Variants in KRT27 observed in about 807,000 individuals in gnomAD.
KRT27 encodes keratin, type I cytoskeletal 27.
In KRT27, 30 loss-of-function variants were observed where a neutral mutation model predicts 45.3. That is an observed-to-expected ratio of 0.66 (90% CI 0.50 to 0.90). The LOEUF (loss-of-function observed/expected upper bound fraction) is 0.90. KRT27 is among the 40% of genes least tolerant of loss of function. KRT27 has a pLI of 0.00. For synonymous variants in KRT27, 204 were observed against 223.9 expected (o/e 0.91, Z 0.79); for missense variants, 610 against 564.3 (o/e 1.08, Z -0.82).
chr17:40,777,435 A>G, intron 6 of KRT27, 80 bp downstream of exon 6: 1 of 1,560,258 alleles, frequency 6.4e-7, no homozygotes, highest in Non-Finnish European at 8.8e-7. Context: ...GATCTAGATC[A>G]TAGATATTTT....
chr17:40,782,477 G>T lies in KRT27; in HGVS notation c.17C>A (p.Ser6Tyr). The T allele has an allele frequency of 6.3e-7, 1 of 1,580,366 alleles. No individual in the cohort carries two copies. The highest frequency in any genetic ancestry group is 1.2e-5 in the South Asian group (1 of 86,676). The change falls in exon 1 of 8, where the codon TCT becomes TAT. Residue 6 changes from serine (S) to tyrosine (Y), a missense_variant. Transcript: ENST00000301656. The part of the protein sequence containing the change: MSVRF[S>Y]STSRRLGSCG... ...AGAGCCAAGTCTCCTGGAGGTAGAA[G>T]AAAAGCGCACAGACATGGTGTCCGG...
Position 40,777,292 on chromosome 17 carries a change from T to G in KRT27, c.1201A>C (p.Lys401Gln), listed in dbSNP as rs146707198. The change falls in exon 7 of 8, where the codon AAA (lysine) becomes CAA (glutamine). Residue 401 changes from lysine (K) to glutamine (Q), a missense_variant. By Grantham distance (53) the Lys-to-Gln change is moderately conservative. Coordinates refer to ENST00000301656, the MANE Select transcript of KRT27 (RefSeq NM_181537.4). ...LIDGEDGSCS[K>Q]SKGYGGPGNQ... is the part of the protein sequence containing the mutation. ...CCTGGGCCTCCATAGCCTTTTGATT[T>G]AGAACAGGAGCTGTAAAAGTATAGA... is the stretch of plus-strand genomic sequence containing the variant. The G allele has an allele frequency of 3.1e-6, 5 of 1,613,360 alleles. No individual in the cohort carries two copies. The African/African-American group carries it at 6.7e-5, about 22-fold the overall frequency.
intron 5 of KRT27, 52 bp downstream of exon 5, chr17:40,779,450 T>C: frequency 6.4e-7 from 1 of 1,561,222 alleles, no homozygotes; most frequent in Non-Finnish European, 8.7e-7. Flanking sequence ...TTCTCTTCGA[T>C]TATTTTTTTC....
intron 1 of KRT27, among the ~76,000 whole-genome samples, 167 bp from the exon 2 acceptor site, chr17:40,781,437 T>A (rs919348464): frequency 2.6e-5 from 4 of 152,238 alleles, no homozygotes; most frequent in Non-Finnish European, 5.9e-5. Context: ...TCTCTCTCTG[T>A]CTTTTATTTT....
At chr17:40,780,971 C>A (rs1348430469) in intron 2 of KRT27, among the ~76,000 whole-genome samples, 1 of 152,204 alleles carries the variant, frequency 6.6e-6, no homozygotes, top group African/African-American at 2.4e-5. Context: ...AAAATTCTTT[C>A]TCATATGACT....
At chr17:40,778,977 T>C (rs1481528982) in intron 5 of KRT27, among the ~76,000 whole-genome samples, 6 of 152,204 alleles carry the variant, frequency 3.9e-5, no homozygotes, top group Non-Finnish European at 5.9e-5. Flanking sequence ...CTTTTTTGTG[T>C]GTGTTGGGAA....
chr17:40,779,770 T>C lies in KRT27; in HGVS notation c.776A>G (p.Asn259Ser), dbSNP rs757090823. The C allele has an allele frequency of 6.2e-7, 1 of 1,614,278 alleles. No individual in the cohort carries two copies. Among genetic ancestry groups the C allele is most frequent in the South Asian group, 1.1e-5 (1 of 91,082 alleles). ...GAGGGCTTCGTACTCAGCTCGCATA[T>C]TGTTCAGCAGAACCGTGAGGTCTAC... Reference protein sequence around the residue: ...PGVDLTVLLNNMRAEYEALAE... With the variant: ...PGVDLTVLLNSMRAEYEALAE... Residue 259 changes from asparagine to serine, a missense_variant, in exon 4 of 8, where the codon AAT becomes AGT. Asn to Ser is a conservative substitution (Grantham distance 46). Coordinates refer to ENST00000301656, the MANE Select transcript of KRT27 (RefSeq NM_181537.4).
intron 6 of KRT27, 89 bp from the exon 7 acceptor site, chr17:40,777,391 C>T (rs2038275070): frequency 1.3e-6 from 2 of 1,534,434 alleles, no homozygotes; most frequent in Non-Finnish European, 1.8e-6. Flanking sequence ...TCACTGCATT[C>T]TGAAATAACA....
intron 2 of KRT27, among the ~76,000 whole-genome samples, chr17:40,780,869 AAATAAATT>A (rs968594610): frequency 3.9e-5 from 6 of 152,008 alleles, no homozygotes; most frequent in Admixed American, 1.3e-4. Context: ...ATAAATAAAT[AAATAAATT>A]AATTAATTAA....
At chr17:40,781,992 T>C in intron 1 of KRT27, 58 bp downstream of exon 1, 1 of 1,444,858 alleles carries the variant, frequency 6.9e-7, no homozygotes, top group South Asian at 1.3e-5. Flanking sequence ...CATTTGTGCA[T>C]CTGTGAGTGG....
Position 40,782,266 on chromosome 17 carries a change from C to T in KRT27, c.228G>A (p.Glu76=). 1 of 1,614,212 alleles carries T rather than the reference C, an allele frequency of 6.2e-7. No individual in the cohort carries two copies. Among genetic ancestry groups the T allele is most frequent in the Non-Finnish European group, 8.5e-7 (1 of 1,180,036 alleles). The change falls in exon 1 of 8, where the codon GAG becomes GAA. Residue 76 remains glutamate, a synonymous_variant. Transcript: ENST00000301656. Reference sequence around the variant, plus strand: ...TCTCATTGCCAGAGAGGAGGCCGTGCTCATTCCCTGTGAAGGCAGCACAGG... The same window carrying T: ...TCTCATTGCCAGAGAGGAGGCCGTGTTCATTCCCTGTGAAGGCAGCACAGG... ...SASCAAFTGN[E]HGLLSGNEKV...
At chr17:40,777,483 T>C in intron 6 of KRT27, 32 bp downstream of exon 6, 1 of 1,608,922 alleles carries the variant, frequency 6.2e-7, no homozygotes. Context: ...ACCTTAAAAA[T>C]GAATTGTTTT....
intron 5 of KRT27, among the ~76,000 whole-genome samples, chr17:40,778,503 T>A (rs2038283174): frequency 2.0e-5 from 3 of 152,240 alleles, no homozygotes; most frequent in Admixed American, 6.5e-5. Flanking sequence ...CATACCCAAC[T>A]GTGGGACTGT....
At chr17:40,779,913 A>G in intron 3 of KRT27, 52 bp from the exon 4 acceptor site, 6 of 1,556,668 alleles carry the variant, frequency 3.9e-6, no homozygotes, top group Non-Finnish European at 3.5e-6. Context: ...TATTTATTGC[A>G]CTTTTTGAGT....
chr17:40,777,583 G>A lies in KRT27; in HGVS notation c.1122C>T (p.Leu374=). 6.2e-7 allele frequency: 1 copy of A among 1,613,960 alleles called. No homozygotes were observed. Among genetic ancestry groups the A allele is most frequent in the Non-Finnish European group, 8.5e-7 (1 of 1,179,918 alleles). Residue 374 remains leucine (L), a synonymous_variant, in exon 6 of 8, where the codon CTC becomes CTT. Transcript: ENST00000301656. ...TTTCCAGGTGGACCTTGATGTCAAG[G>A]AGCTGCTCATACTCGAGCTTCTGGC... The part of the protein sequence containing the change: ...TEGQKLEYEQ[L]LDIKVHLEKE...
chr17:40,778,002 G>A, intron 5 of KRT27: 1 of 446,420 alleles, frequency 2.2e-6, no homozygotes, highest in Non-Finnish European at 4.1e-6. Flanking sequence ...GGCACAGACT[G>A]AAAGATCCCT....
chr17:40,777,403 TAA>T, intron 6 of KRT27, 101 bp from the exon 7 acceptor site: 1 of 1,526,370 alleles, frequency 6.6e-7, no homozygotes, highest in Non-Finnish European at 9.0e-7. Flanking sequence ...GAAATAACAC[TAA>T]AAGAGTATTA....
intron 6 of KRT27, 100 bp downstream of exon 6, chr17:40,777,415 A>T: frequency 6.5e-7 from 1 of 1,530,544 alleles, no homozygotes; most frequent in Non-Finnish European, 9.0e-7. Context: ...AAAGAGTATT[A>T]TCTATGCGTG....
intron 1 of KRT27, 87 bp from the exon 2 acceptor site, chr17:40,781,357 AGTAAT>A: frequency 1.3e-6 from 1 of 766,890 alleles, no homozygotes; most frequent in African/African-American, 1.7e-5. Context: ...ATGAAATTAT[AGTAAT>A]ATTTCTGGCA....
Sources: allele counts gnomAD v4.1 joint callset (sites outside exome capture counted in the v4.1 genomes callset), GRCh38; gene constraint gnomAD v4.1.1; transcripts MANE v1.5; gene names NCBI Gene and HGNC (gene_info 2026-07-23, HGNC 2026-07-21).